FSTL4: variants seen among roughly 807,000 people sequenced by gnomAD.
FSTL4 encodes the protein follistatin-related protein 4.
Under a neutral mutation model 78.2 loss-of-function variants are expected in FSTL4, and 28 were observed. That is an observed-to-expected ratio of 0.36 (90% CI 0.27 to 0.49). The LOEUF is 0.49. Among genes scored for constraint, FSTL4 ranks in the 20% least tolerant of loss-of-function variants. The probability of loss-of-function intolerance (pLI) is 0.98; values close to 1 mark genes in which losing one functional copy is unlikely to be tolerated. For synonymous variants in FSTL4, 422 were observed against 440.5 expected (o/e 0.96, Z 0.53); for missense variants, 922 against 1,084.9 (o/e 0.85, Z 2.11).
chr5:133,790,541 A>G, the FSTL4 span, among the ~76,000 whole-genome samples: 1 of 152,130 alleles, frequency 6.6e-6, no homozygotes, highest in South Asian at 2.1e-4. Context: ...AGGCCAATCA[A>G]TGGCTCCTAC....
At chr5:133,405,455 C>T (rs77530346) in intron 3 of FSTL4, among the ~76,000 whole-genome samples, 33 of 152,314 alleles carry the variant, frequency 2.2e-4, no homozygotes, top group African/African-American at 7.7e-4. Context: ...AGATACAGCC[C>T]TTACACATGG....
At chr5:133,416,596 T>C (rs1199338431) in intron 3 of FSTL4, among the ~76,000 whole-genome samples, 1 of 152,216 alleles carries the variant, frequency 6.6e-6, no homozygotes, top group Non-Finnish European at 1.5e-5. Flanking sequence ...CTGGCAGATA[T>C]CATTTTACTC....
chr5:133,651,949 T>G, the FSTL4 span, among the ~76,000 whole-genome samples: 1 of 152,066 alleles, frequency 6.6e-6, no homozygotes, highest in Non-Finnish European at 1.5e-5. Flanking sequence ...ATAGGCCCTT[T>G]CAGATTGTCT....
intron 4 of FSTL4, among the ~76,000 whole-genome samples, chr5:133,388,770 T>A (rs1409122508): frequency 6.6e-6 from 1 of 152,138 alleles, no homozygotes; most frequent in East Asian, 1.9e-4. Flanking sequence ...TGCTCTGAGG[T>A]CTTTAAGATA....
intron 11 of FSTL4, among the ~76,000 whole-genome samples, chr5:133,222,757 G>A (rs1284130079): frequency 6.6e-6 from 1 of 152,248 alleles, no homozygotes; most frequent in Non-Finnish European, 1.5e-5. Flanking sequence ...CTGCCTGAGT[G>A]TAGCTTCTGC....
intron 3 of FSTL4, among the ~76,000 whole-genome samples, chr5:133,414,201 T>C (rs1002052304): frequency 6.6e-6 from 1 of 152,188 alleles, no homozygotes; most frequent in African/African-American, 2.4e-5. Flanking sequence ...AGTTTGCATA[T>C]GAGCTACAAT....
chr5:133,432,020 T>G (rs1756950645), intron 3 of FSTL4, among the ~76,000 whole-genome samples: 1 of 152,214 alleles, frequency 6.6e-6, no homozygotes, highest in Admixed American at 6.5e-5. Flanking sequence ...CAAACACTGA[T>G]GGACCTACCT....
intron 6 of FSTL4, among the ~76,000 whole-genome samples, chr5:133,273,485 C>T (rs531274528): frequency 6.6e-6 from 1 of 152,320 alleles, no homozygotes; most frequent in East Asian, 1.9e-4. Context: ...TTACCTGGGC[C>T]TGTGGCTCCT....
intron 3 of FSTL4, among the ~76,000 whole-genome samples, chr5:133,457,044 A>G (rs1757506736): frequency 6.6e-6 from 1 of 152,196 alleles, no homozygotes; most frequent in African/African-American, 2.4e-5. Flanking sequence ...GGATGGAGCT[A>G]AATGCACTGG....
the FSTL4 span, among the ~76,000 whole-genome samples, chr5:133,833,000 C>G: frequency 1.6e-3 from 246 of 151,820 alleles, 4 homozygotes; most frequent in East Asian, 0.044. Context: ...TAAAAAAAAC[C>G]CTTATAGAAT....
chr5:133,223,914 C>G (rs1751240653), intron 11 of FSTL4, among the ~76,000 whole-genome samples: 1 of 152,100 alleles, frequency 6.6e-6, no homozygotes, highest in Non-Finnish European at 1.5e-5. Context: ...AGTTTAAGGC[C>G]CAGATCTGAC....
intron 4 of FSTL4, among the ~76,000 whole-genome samples, chr5:133,322,412 T>C (rs958351103): frequency 3.3e-5 from 5 of 152,106 alleles, no homozygotes; most frequent in African/African-American, 1.2e-4. Context: ...CAGCCTTAGT[T>C]TGGGCTCCCC....
chr5:133,414,129 A>G (rs995751862), intron 3 of FSTL4, among the ~76,000 whole-genome samples: 2 of 152,190 alleles, frequency 1.3e-5, no homozygotes, highest in Non-Finnish European at 2.9e-5. Flanking sequence ...CGGGCACCCA[A>G]GGACTCCACC....
At chr5:133,372,217 C>CTAACTATG (rs1755321873) in intron 4 of FSTL4, among the ~76,000 whole-genome samples, 1 of 147,886 alleles carries the variant, frequency 6.8e-6, no homozygotes. Flanking sequence ...GGGGAATTAT[C>CTAACTATG]TATCTATGTA....
intron 2 of FSTL4, chr5:133,583,163 C>G: frequency 2.3e-6 from 1 of 434,214 alleles, no homozygotes; most frequent in South Asian, 1.6e-5. Flanking sequence ...CAGCAAACAC[C>G]AGCACATTCC....
At chr5:133,637,826 C>T in the FSTL4 span, among the ~76,000 whole-genome samples, 1 of 151,906 alleles carries the variant, frequency 6.6e-6, no homozygotes, top group Non-Finnish European at 1.5e-5. Flanking sequence ...TACATCCCAT[C>T]ACCTGAGCAC....
intron 3 of FSTL4, among the ~76,000 whole-genome samples, chr5:133,485,448 T>C (rs1437325870): frequency 6.6e-6 from 1 of 152,232 alleles, no homozygotes; most frequent in African/African-American, 2.4e-5. Context: ...CAGCTGAATT[T>C]GGGAACATTG....
the FSTL4 span, among the ~76,000 whole-genome samples, chr5:133,826,203 T>C: frequency 2.0e-5 from 3 of 152,186 alleles, no homozygotes; most frequent in Non-Finnish European, 4.4e-5. Context: ...CCTGGAGAGA[T>C]GGATTCAGAT....
chr5:133,224,198 C>G lies in FSTL4; in HGVS notation c.1331G>C (p.Arg444Pro). Residue 444 changes from arginine to proline, a missense_variant, in exon 11 of 16, where the codon CGA (arginine) becomes CCA (proline). Transcript: ENST00000265342. ...ARKTLANILW[R>P]EEGLSVGNMF... is the part of the protein sequence containing the mutation. The stretch of plus-strand genomic sequence containing the variant: ...ACAATGAAGCTTGGTACCTTCCTCT[C>G]GCCACAGGATGTTTGCAACTGCAGC... 1.9e-6 allele frequency: 3 copies of G among 1,612,608 alleles called. No homozygotes were observed. Among genetic ancestry groups the G allele is most frequent in the Non-Finnish European group, 2.5e-6 (3 of 1,178,864 alleles).
Sources: allele counts gnomAD v4.1 joint callset (sites outside exome capture counted in the v4.1 genomes callset), GRCh38; gene constraint gnomAD v4.1.1; transcripts MANE v1.5; gene names NCBI Gene and HGNC (gene_info 2026-07-23, HGNC 2026-07-21).